GABBR1: variants seen among roughly 807,000 people sequenced by gnomAD.
GABBR1 encodes the protein gamma-aminobutyric acid type B receptor subunit 1, also known as GABA-B receptor, R1 subunit.
In GABBR1, 35 loss-of-function variants were observed where a neutral mutation model predicts 117.7. The observed-to-expected ratio is 0.30, with a 90% CI of 0.23 to 0.39. GABBR1 has a LOEUF of 0.39. Among genes scored for constraint, GABBR1 ranks in the 10% least tolerant of loss-of-function variants. The pLI, the probability that GABBR1 is intolerant of heterozygous loss-of-function variation, is 1.00. For synonymous variants in GABBR1, 442 were observed against 486.6 expected (o/e 0.91, Z 1.21); for missense variants, 709 against 1,241.8 (o/e 0.57, Z 6.45).
Position 29,632,329 on chromosome 6 carries a change from C to T in GABBR1, c.57G>A (p.Gly19=). ...PLFLRPPGAG[G]AQTPNATSEG... is the part of the protein sequence containing the mutation. Reference sequence around the variant, plus strand: ...CTGAGGTGGCGTTGGGGGTCTGCGCCCCGCCCGCGCCCGGGGGGCGGAGGA... The same window carrying T: ...CTGAGGTGGCGTTGGGGGTCTGCGCTCCGCCCGCGCCCGGGGGGCGGAGGA... Residue 19 remains glycine, a synonymous_variant, in exon 2 of 23, where the codon GGG becomes GGA. Transcript: ENST00000377034. The surrounding 1 kb of genome is among the most constrained non-coding windows in gnomAD (Gnocchi z 5.8). The T allele has an allele frequency of 7.3e-7, 1 of 1,370,414 alleles. No homozygotes were observed. The highest frequency in any genetic ancestry group is 1.8e-5 in the South Asian group (1 of 55,026). 84.9% of individuals were successfully genotyped at this position (1,370,414 alleles called of 1,614,324 possible).
chr6:29,603,807 A>C, intron 22 of GABBR1, 91 bp from the exon 23 acceptor site: 1 of 1,001,750 alleles, frequency 1.0e-6, no homozygotes, highest in Non-Finnish European at 1.4e-6. Context: ...ACAGGGAAAG[A>C]GAGGAAGGGC....
At chr6:29,610,838 T>G (rs1467795355) in intron 14 of GABBR1, 86 bp downstream of exon 14, 10 of 1,174,546 alleles carry the variant, frequency 8.5e-6, no homozygotes, top group Admixed American at 1.7e-5. Context: ...TAACAGTCTC[T>G]ACCATTCCAT....
Position 29,606,958 on chromosome 6 carries a change from C to T in GABBR1, c.2156G>A (p.Gly719Asp). The change falls in exon 18 of 23, where the codon GGC becomes GAC. Residue 719 changes from glycine to aspartate, a missense_variant. By Grantham distance (94) the Gly-to-Asp change is moderately conservative. Coordinates refer to ENST00000377034, the MANE Select transcript of GABBR1 (RefSeq NM_001470.4). The surrounding 1 kb of genome is among the most constrained non-coding windows in gnomAD (Gnocchi z 4.5). ...GATGGCGAGAGTGAGGACATCCATG[C>T]CCACCAGCAGGCCCACTGTGGCATA... is the stretch of plus-strand genomic sequence containing the variant. The part of the protein sequence containing the change: ...KLYATVGLLV[G>D]MDVLTLAIWQ... 1 of 1,614,234 alleles carries T rather than the reference C, an allele frequency of 6.2e-7. No homozygotes were observed. The highest frequency in any genetic ancestry group is 8.5e-7 in the Non-Finnish European group (1 of 1,180,042).
intron 14 of GABBR1, among the ~76,000 whole-genome samples, chr6:29,610,304 T>C (rs1762408129): frequency 1.3e-5 from 2 of 152,154 alleles, no homozygotes; most frequent in Admixed American, 1.3e-4. Context: ...AAAGTATATT[T>C]TGAGGGATGT....
Position 29,632,339 on chromosome 6 carries a change from C to T in GABBR1, c.47G>A (p.Gly16Asp). Residue 16 changes from glycine (G) to aspartate (D), a missense_variant, in exon 2 of 23, where the codon GGC (glycine) becomes GAC (aspartate). Physicochemically the swap from Gly to Asp is moderately conservative, Grantham distance 94. Around this residue, in one of 9 missense-constraint regions of GABBR1, gnomAD observed 43 missense variants for 42.8 expected, o/e 1.00. Transcript: ENST00000377034. This position sits in a 1 kb window ranked among gnomAD's most constrained non-coding sequence, Gnocchi z 5.8. ...LLAPLFLRPP[G>D]AGGAQTPNAT... is the part of the protein sequence containing the mutation. ...GTTGGGGGTCTGCGCCCCGCCCGCGCCCGGGGGGCGGAGGAAGAGTGGCGC... is the reference window on the plus strand; with the variant it reads ...GTTGGGGGTCTGCGCCCCGCCCGCGTCCGGGGGGCGGAGGAAGAGTGGCGC... 1.5e-6 allele frequency: 2 copies of T among 1,367,904 alleles called. No individual in the cohort carries two copies. Among genetic ancestry groups the T allele is most frequent in the Non-Finnish European group, 1.9e-6 (2 of 1,056,740 alleles). The allele number at this position is 1,367,904 out of a possible 1,614,324, so 84.7% of individuals were successfully genotyped here.
chr6:29,628,383 A>G (rs989080314), intron 5 of GABBR1, among the ~76,000 whole-genome samples: 5 of 151,988 alleles, frequency 3.3e-5, no homozygotes, highest in African/African-American at 1.2e-4. Context: ...GGGACGGGAG[A>G]GAAACGGGGC....
At chr6:29,610,017 A>C (rs1762377592) in intron 14 of GABBR1, among the ~76,000 whole-genome samples, 1 of 151,094 alleles carries the variant, frequency 6.6e-6, no homozygotes. Context: ...AGAATAATTT[A>C]GGCCATGCAG....
chr6:29,603,730 C>A lies in GABBR1; in HGVS notation c.2713-14G>T, dbSNP rs1359666639. ...ACGCTCCTCTTTCTGGAGGAAGAAG[C>A]ACAATTGGGATAGTAGGAGAAGAGG... On this transcript the variant is annotated splice_polypyrimidine_tract_variant and intron_variant, in intron 22 of 22. Coordinates refer to ENST00000377034, the MANE Select transcript of GABBR1 (RefSeq NM_001470.4). 6.8e-7 allele frequency: 1 copy of A among 1,470,166 alleles called. No homozygotes were observed. The highest frequency in any genetic ancestry group is 9.0e-7 in the Non-Finnish European group (1 of 1,112,790). The allele number at this position is 1,470,166 out of a possible 1,614,324, so 91.1% of individuals were successfully genotyped here.
In GABBR1 at chr6:29,613,622, A is replaced by G; in HGVS notation, c.1324-137T>C. 2.7e-6 allele frequency: 3 copies of G among 1,123,518 alleles called. No homozygotes were observed. The highest frequency in any genetic ancestry group is 3.8e-6 in the Non-Finnish European group (3 of 789,436). 69.6% of individuals were successfully genotyped at this position (1,123,518 alleles called of 1,614,324 possible). ...CTGTTGTCAGATTGGACACATGTAC[A>G]TTCAAAATCTTTAACTATACCCATG... On this transcript the variant is annotated intron_variant, in intron 11 of 22. Coordinates refer to ENST00000377034, the MANE Select transcript of GABBR1 (RefSeq NM_001470.4). This position sits in a 1 kb window ranked among gnomAD's most constrained non-coding sequence, Gnocchi z 4.1.
chr6:29,616,059 G>C (rs967520194), intron 11 of GABBR1, among the ~76,000 whole-genome samples: 3 of 152,154 alleles, frequency 2.0e-5, no homozygotes, highest in African/African-American at 7.2e-5. Flanking sequence ...AAATTAGCCG[G>C]GTGTGGTGGC....
Position 29,606,466 on chromosome 6 carries a change from G to A in GABBR1, c.2236C>T (p.Pro746Ser), listed in dbSNP as rs1761967848. The change falls in exon 19 of 23, where the codon CCT becomes TCT. Residue 746 changes from proline (P) to serine (S), a missense_variant. Transcript: ENST00000377034. This position sits in a 1 kb window ranked among gnomAD's most constrained non-coding sequence, Gnocchi z 4.5. Reference sequence around the variant, plus strand: ...ATAGAGACGTCAATATCTTCCTTAGGTTCCTCCTTGGCAAATGTCTAGGGC... The same window carrying A: ...ATAGAGACGTCAATATCTTCCTTAGATTCCTCCTTGGCAAATGTCTAGGGC... Reference protein sequence around the residue: ...RTIETFAKEEPKEDIDVSILP... With the variant: ...RTIETFAKEESKEDIDVSILP... 6.2e-7 allele frequency: 1 copy of A among 1,612,222 alleles called. No individual in the cohort carries two copies. Among genetic ancestry groups the A allele is most frequent in the Non-Finnish European group, 8.5e-7 (1 of 1,179,226 alleles).
rs1764931994 is a variant in GABBR1 at position 29,631,301 on chromosome 6, T to C, written c.289+95A>G. The stretch of plus-strand genomic sequence containing the variant: ...AATGTATTTGTGAATTTTGGTATAC[T>C]GGATTTAAAGTGCTGACTTGCAAGC... On this transcript the variant is annotated intron_variant, in intron 3 of 22. Coordinates refer to ENST00000377034, the MANE Select transcript of GABBR1 (RefSeq NM_001470.4). This position sits in a 1 kb window ranked among gnomAD's most constrained non-coding sequence, Gnocchi z 5.9. 1.1e-5 allele frequency: 14 copies of C among 1,251,902 alleles called. 1 individual carries two copies. In the South Asian group the frequency reaches 1.6e-4, roughly 15 times the overall value. The allele number at this position is 1,251,902 out of a possible 1,614,324, so 77.5% of individuals were successfully genotyped here.
At position 29,608,615 on chromosome 6, in the gene GABBR1, G is replaced by A. The variant is rs779705251; in HGVS notation, c.1978C>T (p.Pro660Ser). 1 of 1,612,872 alleles carries A rather than the reference G, an allele frequency of 6.2e-7. No individual in the cohort carries two copies. Among genetic ancestry groups the A allele is most frequent in the East Asian group, 2.2e-5 (1 of 44,872 alleles). ...DGYHIGRNQFPFVCQARLWLL... is the reference protein window; with the variant it reads ...DGYHIGRNQFSFVCQARLWLL... ...CACCTCCTCACCTGGCAGACGAAAGGAAACTGGTTCCTCCCAATGTGGTAA... is the reference window on the plus strand; with the variant it reads ...CACCTCCTCACCTGGCAGACGAAAGAAAACTGGTTCCTCCCAATGTGGTAA... Residue 660 changes from proline (P) to serine (S), a missense_variant, in exon 16 of 23, where the codon CCT becomes TCT. This residue lies in a region of GABBR1 where 251 missense variants were observed against 445.3 expected (regional missense o/e 0.56). Transcript: ENST00000377034.
At position 29,621,964 on chromosome 6, in the gene GABBR1, G is replaced by T; in HGVS notation, c.1065+140C>A. ...TATAGTGAATAAACGTCAACTGGAAGATGGAGCTAAACTTCCCCAGGAGAT... is the reference window on the plus strand; with the variant it reads ...TATAGTGAATAAACGTCAACTGGAATATGGAGCTAAACTTCCCCAGGAGAT... On this transcript the variant is annotated intron_variant, in intron 9 of 22. Coordinates refer to ENST00000377034, the MANE Select transcript of GABBR1 (RefSeq NM_001470.4). This position sits in a 1 kb window ranked among gnomAD's most constrained non-coding sequence, Gnocchi z 5.0. 9.6e-7 allele frequency: 1 copy of T among 1,040,338 alleles called. No individual in the cohort carries two copies. The highest frequency in any genetic ancestry group is 1.5e-6 in the Non-Finnish European group (1 of 687,290). The allele number at this position is 1,040,338 out of a possible 1,614,324, so 64.4% of individuals were successfully genotyped here.
Position 29,609,126 on chromosome 6 carries a change from T to C in GABBR1, c.1859+103A>G, listed in dbSNP as rs1762266241. 5.3e-6 allele frequency: 6 copies of C among 1,129,034 alleles called. 1 individual carries two copies. The highest frequency in any genetic ancestry group is 2.2e-5 in the Admixed American group (1 of 45,848). The allele number at this position is 1,129,034 out of a possible 1,614,324, so 69.9% of individuals were successfully genotyped here. ...CAAGTCAGAATGAAAAACTCCATGA[T>C]ACATGGCCATGGGAGTTACACAGGT... On this transcript the variant is annotated intron_variant, in intron 15 of 22. Transcript: ENST00000377034. The surrounding 1 kb of genome is among the most constrained non-coding windows in gnomAD (Gnocchi z 4.3).
intron 11 of GABBR1, among the ~76,000 whole-genome samples, chr6:29,615,859 G>T (rs1763034432): frequency 6.6e-6 from 1 of 151,998 alleles, no homozygotes; most frequent in Non-Finnish European, 1.5e-5. Context: ...ATGAGGTCAG[G>T]AGTTCAAGAC....
chr6:29,604,671 G>A lies in GABBR1; in HGVS notation c.2569-34C>T. ...AAATGTTTGGGCGTGGGGTGGCCCA[G>A]CAAGGACTGTACTAGTGACTGGCTG... On this transcript the variant is annotated intron_variant, in intron 21 of 22. Coordinates refer to ENST00000377034, the MANE Select transcript of GABBR1 (RefSeq NM_001470.4). This position sits in a 1 kb window ranked among gnomAD's most constrained non-coding sequence, Gnocchi z 5.3. 1 of 1,613,088 alleles carries A rather than the reference G, an allele frequency of 6.2e-7. No individual in the cohort carries two copies. The highest frequency in any genetic ancestry group is 8.5e-7 in the Non-Finnish European group (1 of 1,179,976).
rs1267235012 is a variant in GABBR1 at position 29,627,981 on chromosome 6, G to A, written c.497-335C>T. On this transcript the variant is annotated intron_variant, in intron 5 of 22. Transcript: ENST00000377034. The surrounding 1 kb of genome is among the most constrained non-coding windows in gnomAD (Gnocchi z 4.4). ...GGCCCCCGCGGCTCTCGCCACCGTC[G>A]CCGCCACCGCGGACTCTCCTCGCGG... 44 of 1,331,040 alleles carry A rather than the reference G, an allele frequency of 3.3e-5. No individual in the cohort carries two copies. The highest frequency in any genetic ancestry group is 4.1e-5 in the Admixed American group (1 of 24,624). The allele number at this position is 1,331,040 out of a possible 1,614,324, so 82.5% of individuals were successfully genotyped here.
rs932956618 is a variant in GABBR1 at position 29,603,518 on chromosome 6, T to C, written c.*25A>G. ...CCCCTCTCCCTTTCCCTCCCCCTACTGGCCTGTCCTCCCTCACCCTACCCT... is the reference window on the plus strand; with the variant it reads ...CCCCTCTCCCTTTCCCTCCCCCTACCGGCCTGTCCTCCCTCACCCTACCCT... On this transcript the variant is annotated 3_prime_UTR_variant, in exon 23 of 23. Coordinates refer to ENST00000377034, the MANE Select transcript of GABBR1 (RefSeq NM_001470.4). The C allele has an allele frequency of 1.9e-6, 3 of 1,539,932 alleles. No individual in the cohort carries two copies. In the African/African-American group the frequency reaches 4.1e-5, roughly 21 times the overall value.
Sources: gnomAD v4.1 joint callset for allele counts (sites outside exome capture counted in the v4.1 genomes callset) on GRCh38, gnomAD v4.1.1 for gene constraint, gnomAD v4.1.1 regional missense constraint, Gnocchi (gnomAD v3.1) non-coding constraint, MANE v1.5 for transcripts, NCBI Gene and HGNC (gene_info 2026-07-23, HGNC 2026-07-21) for gene names.